ATXN1: variants seen among roughly 807,000 people sequenced by gnomAD.
The protein encoded by ATXN1 is ataxin 1.
ATXN1 carries 8 observed loss-of-function variants against 56.4 expected under a neutral mutation model. The observed-to-expected ratio is 0.14, with a 90% confidence interval of 0.08 to 0.26. The LOEUF is 0.26. ATXN1 is among the 10% of genes least tolerant of loss of function. ATXN1 has a pLI of 1.00. For synonymous variants in ATXN1, 514 were observed against 494.6 expected, an observed-to-expected ratio of 1.04 and a Z score of -0.52; for missense variants, 987 against 1,106.5, an observed-to-expected ratio of 0.89 and a Z score of 1.53.
At chr6:16,348,734 A>G (rs952725734) in intron 6 of ATXN1, among the ~76,000 whole-genome samples, 1 of 152,162 alleles carries the variant, frequency 6.6e-6, no homozygotes, top group Non-Finnish European at 1.5e-5. Flanking sequence ...GCCTTATTTC[A>G]TGAAGTTGTT....
intron 3 of ATXN1, among the ~76,000 whole-genome samples, chr6:16,619,400 T>C (rs906382812): frequency 1.7e-4 from 26 of 152,148 alleles, no homozygotes; most frequent in African/African-American, 4.8e-4. Context: ...GCTAGATAAA[T>C]AGATTATGGA....
intron 2 of ATXN1, among the ~76,000 whole-genome samples, chr6:16,681,363 C>T (rs1202156850): frequency 6.6e-6 from 1 of 152,218 alleles, no homozygotes; most frequent in Non-Finnish European, 1.5e-5. Flanking sequence ...AGGGTGACGC[C>T]ATGGGGCCAC....
chr6:16,659,958 C>T (rs1257618875), intron 2 of ATXN1, among the ~76,000 whole-genome samples: 2 of 152,012 alleles, frequency 1.3e-5, no homozygotes, highest in Non-Finnish European at 2.9e-5. Context: ...AAAATAAGGA[C>T]TCATCTAAGT....
intron 3 of ATXN1, among the ~76,000 whole-genome samples, chr6:16,605,546 T>TATTCAAAGAGAATA (rs1461958997): frequency 1.3e-5 from 2 of 152,190 alleles, no homozygotes; most frequent in African/African-American, 2.4e-5. Flanking sequence ...AATTCAAAAT[T>TATTCAAAGAGAATA]ATTCAAAGAG....
At chr6:16,655,779 T>C (rs1671472984) in intron 3 of ATXN1, among the ~76,000 whole-genome samples, 1 of 152,026 alleles carries the variant, frequency 6.6e-6, no homozygotes, top group Admixed American at 6.6e-5. Flanking sequence ...TTTTTTTTAA[T>C]GTTGCAAGGG....
intron 6 of ATXN1, among the ~76,000 whole-genome samples, chr6:16,474,837 C>T (rs903482228): frequency 1.3e-3 from 94 of 73,912 alleles, no homozygotes; most frequent in African/African-American, 3.8e-3. Context: ...TGTGTGCATA[C>T]ACACACACAC....
At chr6:16,625,946 A>G (rs1215885274) in intron 3 of ATXN1, among the ~76,000 whole-genome samples, 1 of 152,178 alleles carries the variant, frequency 6.6e-6, no homozygotes, top group African/African-American at 2.4e-5. Context: ...CCACCATGGA[A>G]GATGTGAATT....
intron 5 of ATXN1, among the ~76,000 whole-genome samples, chr6:16,489,971 G>A (rs535877927): frequency 6.6e-6 from 1 of 152,110 alleles, no homozygotes; most frequent in African/African-American, 2.4e-5. Context: ...TGATACTGCT[G>A]GTCCAGGGAC....
chr6:16,437,323 C>T (rs983860444), intron 6 of ATXN1, among the ~76,000 whole-genome samples: 7 of 152,230 alleles, frequency 4.6e-5, no homozygotes, highest in Admixed American at 4.6e-4. Context: ...CGTATCAGCA[C>T]CACCCCCGTG....
chr6:16,636,138 C>G (rs1444461021), intron 3 of ATXN1, among the ~76,000 whole-genome samples: 1 of 152,134 alleles, frequency 6.6e-6, no homozygotes, highest in Non-Finnish European at 1.5e-5. Context: ...TTCCCATGGT[C>G]CTGTGACTTC....
chr6:16,527,993 C>A (rs1761426447), intron 4 of ATXN1, among the ~76,000 whole-genome samples: 1 of 152,046 alleles, frequency 6.6e-6, no homozygotes, highest in Admixed American at 6.6e-5. Context: ...TATACAATGG[C>A]TTTTTTACAC....
At chr6:16,438,334 C>A (rs565256452) in intron 6 of ATXN1, among the ~76,000 whole-genome samples, 2 of 152,324 alleles carry the variant, frequency 1.3e-5, no homozygotes, top group African/African-American at 4.8e-5. Context: ...AGAAAGATAA[C>A]AATGGACTCT....
intron 6 of ATXN1, among the ~76,000 whole-genome samples, chr6:16,440,556 G>A (rs1286278742): frequency 1.3e-5 from 2 of 149,778 alleles, no homozygotes; most frequent in Non-Finnish European, 3.0e-5. Flanking sequence ...TGGGATGATT[G>A]CTTGAACCCA....
intron 6 of ATXN1, among the ~76,000 whole-genome samples, chr6:16,354,986 T>C (rs968281871): frequency 6.6e-6 from 1 of 152,240 alleles, no homozygotes; most frequent in Admixed American, 6.5e-5. Context: ...TATTTGACTT[T>C]AGGGCACCTT....
At chr6:16,618,285 G>A (rs887516588) in intron 3 of ATXN1, among the ~76,000 whole-genome samples, 3 of 152,156 alleles carry the variant, frequency 2.0e-5, no homozygotes, top group Non-Finnish European at 4.4e-5. Context: ...AGGGGAGGAA[G>A]AGTGTTAAGA....
chr6:16,387,465 C>G (rs1447975649), intron 6 of ATXN1, among the ~76,000 whole-genome samples: 1 of 152,204 alleles, frequency 6.6e-6, no homozygotes, highest in Non-Finnish European at 1.5e-5. Flanking sequence ...GTACAGAAGT[C>G]AAACTCAGAC....
At chr6:16,342,983 G>A (rs765082290) in intron 6 of ATXN1, among the ~76,000 whole-genome samples, 4 of 152,210 alleles carry the variant, frequency 2.6e-5, no homozygotes, top group Non-Finnish European at 4.4e-5. Context: ...AACCGTGCAC[G>A]TAAAAATGAT....
chr6:16,662,697 A>G (rs7772172), intron 2 of ATXN1, among the ~76,000 whole-genome samples: 106,127 of 152,168 alleles, frequency 0.7, 38,416 homozygotes, highest in African/African-American at 0.89. Flanking sequence ...TACCTTAACT[A>G]TATCATAAGC....
chr6:16,734,848 G>C (rs1760076358), intron 2 of ATXN1, among the ~76,000 whole-genome samples: 1 of 152,144 alleles, frequency 6.6e-6, no homozygotes, highest in Admixed American at 6.5e-5. Flanking sequence ...GAGGTGGGAA[G>C]AATGTGACAA....
Sources: gnomAD v4.1 joint callset for allele counts (sites outside exome capture counted in the v4.1 genomes callset) on GRCh38, gnomAD v4.1.1 for gene constraint, MANE v1.5 for transcripts, NCBI Gene and HGNC (gene_info 2026-07-23, HGNC 2026-07-21) for gene names.